P2RY6: variants seen among roughly 807,000 people sequenced by gnomAD.
P2RY6 encodes the protein P2Y purinoceptor 6.
In P2RY6, 19 loss-of-function variants were observed where a neutral mutation model predicts 16.3. That is an observed-to-expected ratio of 1.16 (90% CI 0.81 to 1.71). The LOEUF (loss-of-function observed/expected upper bound fraction) is 1.71, where lower values mean the gene tolerates loss of function less well. P2RY6 is among the 40% of genes most tolerant of loss of function. The pLI is 0.00. For missense variants in P2RY6, 389 were observed against 455.5 expected (o/e 0.85, Z 1.33); for synonymous variants, 184 against 201.5 (o/e 0.91, Z 0.74).
Position 73,290,306 on chromosome 11 carries a change from A to G in P2RY6, c.-120-5424A>G, listed in dbSNP as rs868549063. Reference sequence around the variant, plus strand: ...GGAAAGAAAGAAAGAAAGAAAGAAAAGAAAGAAAGAAAGAAAGAAAGAAAG... The same window carrying G: ...GGAAAGAAAGAAAGAAAGAAAGAAAGGAAAGAAAGAAAGAAAGAAAGAAAG... On this transcript the variant is annotated intron_variant, in intron 1 of 2. Coordinates refer to ENST00000540124, the MANE Select transcript of P2RY6 (RefSeq NM_001277204.2). 8.1e-3 allele frequency among the ~76,000 whole-genome samples: 353 copies of G among 43,726 alleles called. 1 individual carries two copies. The highest frequency in any genetic ancestry group is 0.03 in the Middle Eastern group (3 of 100). The allele number at this position is 43,726 out of a possible 152,430, so 28.7% of individuals were successfully genotyped here. A position where few individuals can be genotyped will look rare whatever the true frequency, so the allele number is the denominator to read the frequency against.
intron 1 of P2RY6, among the ~76,000 whole-genome samples, chr11:73,278,647 G>A (rs746318585): frequency 7.2e-5 from 11 of 152,120 alleles, no homozygotes; most frequent in Non-Finnish European, 1.0e-4. Flanking sequence ...CTGGCTTGTT[G>A]TACTTGGAAT....
chr11:73,292,973 T>TGGGGGGGGGA (rs1864325416), intron 1 of P2RY6: 1 of 41,202 alleles, frequency 2.4e-5, no homozygotes, highest in Non-Finnish European at 4.7e-5. Flanking sequence ...TTGCGGGGGG[T>TGGGGGGGGGA]GGGGGGGGGA....
At chr11:73,290,791 G>C (rs974591884) in intron 1 of P2RY6, among the ~76,000 whole-genome samples, 4 of 152,264 alleles carry the variant, frequency 2.6e-5, no homozygotes, top group Non-Finnish European at 4.4e-5. Context: ...GTTCCCTCCC[G>C]GGCCCTGCCC....
chr11:73,289,412 G>A (rs954092697), intron 1 of P2RY6: 1 of 152,370 alleles, frequency 6.6e-6, no homozygotes, highest in African/African-American at 2.4e-5. Flanking sequence ...CGTCCCCAGT[G>A]GCTCCTGTGA....
intron 1 of P2RY6, among the ~76,000 whole-genome samples, chr11:73,291,671 G>A (rs969103996): frequency 9.2e-5 from 14 of 152,334 alleles, no homozygotes; most frequent in African/African-American, 3.4e-4. Flanking sequence ...TTTGGGGTGA[G>A]ATCGATGCCT....
chr11:73,279,758 G>A (rs1382056713), intron 1 of P2RY6, among the ~76,000 whole-genome samples: 1 of 152,244 alleles, frequency 6.6e-6, no homozygotes, highest in Non-Finnish European at 1.5e-5. Context: ...AATCACTGGT[G>A]AAGGGTCTGG....
At chr11:73,281,541 G>C (rs1863762819) in intron 1 of P2RY6, among the ~76,000 whole-genome samples, 1 of 152,256 alleles carries the variant, frequency 6.6e-6, no homozygotes, top group South Asian at 2.1e-4. Flanking sequence ...CACAGGCTAG[G>C]ATGGAAGGGA....
intron 1 of P2RY6, among the ~76,000 whole-genome samples, chr11:73,290,166 G>A (rs538123677): frequency 1.3e-5 from 2 of 151,950 alleles, no homozygotes; most frequent in East Asian, 3.9e-4. Context: ...AAGTTGCAGT[G>A]AGCCGAGATC....
chr11:73,267,229 A>G (rs1047717538), intron 1 of P2RY6, among the ~76,000 whole-genome samples: 9 of 152,188 alleles, frequency 5.9e-5, no homozygotes, highest in Non-Finnish European at 1.3e-4. Flanking sequence ...AGGTTACTTC[A>G]GCAGAATCAT....
intron 1 of P2RY6, among the ~76,000 whole-genome samples, 152 bp from the exon 2 acceptor site, chr11:73,295,578 G>A (rs1864439141): frequency 6.6e-6 from 1 of 152,160 alleles, no homozygotes; most frequent in Non-Finnish European, 1.5e-5. Flanking sequence ...GGTTGACTCG[G>A]TCCCTCACCC....
chr11:73,273,846 A>AT (rs976517002), intron 1 of P2RY6, among the ~76,000 whole-genome samples: 3 of 151,566 alleles, frequency 2.0e-5, no homozygotes, highest in African/African-American at 4.9e-5. Context: ...TGGGATTTTT[A>AT]TTTTTTTTAA....
chr11:73,297,022 A>G lies in P2RY6; in HGVS notation c.504A>G (p.Thr168=), dbSNP rs144613465. The change falls in exon 3 of 3, where the codon ACA becomes ACG. Residue 168 remains threonine (T), a synonymous_variant. Transcript: ENST00000540124. The part of the protein sequence containing the change: ...QCLPTAIFAA[T]GIQRNRTVCY... ...TGCCCACAGCCATCTTCGCTGCCAC[A>G]GGCATCCAGCGTAACCGCACTGTCT... 6.2e-7 allele frequency: 1 copy of G among 1,600,876 alleles called. No homozygotes were observed. The highest frequency in any genetic ancestry group is 1.1e-5 in the South Asian group (1 of 91,088).
chr11:73,286,445 G>A (rs1010451325), intron 1 of P2RY6, among the ~76,000 whole-genome samples: 2 of 152,092 alleles, frequency 1.3e-5, no homozygotes, highest in Non-Finnish European at 2.9e-5. Context: ...ACCACTTGGC[G>A]GGGTTAGTGG....
chr11:73,272,324 T>C, upstream of P2RY6: 1 of 985,440 alleles, frequency 1.0e-6, no homozygotes, highest in Non-Finnish European at 1.2e-6. Context: ...GGTTTCCTCA[T>C]CTGCTGCCTC....
chr11:73,292,263 T>G (rs1435742723), intron 1 of P2RY6, among the ~76,000 whole-genome samples: 1 of 152,116 alleles, frequency 6.6e-6, no homozygotes, highest in Admixed American at 6.5e-5. Flanking sequence ...AGGTACTCGA[T>G]AAGTGTGTGT....
In P2RY6 at chr11:73,272,355, T is replaced by A. The variant is rs1256397203; in HGVS notation, c.-232T>A. ...GCCTCTCCAGACTTCTGCCAGAACATTGCACGCGACAGTTTCAGGCACAGA... is the reference window on the plus strand; with the variant it reads ...GCCTCTCCAGACTTCTGCCAGAACAATGCACGCGACAGTTTCAGGCACAGA... On this transcript the variant is annotated 5_prime_UTR_variant, in exon 1 of 3. The change creates a new upstream start codon in the 5' untranslated region. Transcript: ENST00000540124. 1.0e-6 allele frequency: 1 copy of A among 985,412 alleles called. No individual in the cohort carries two copies. Among genetic ancestry groups the A allele is most frequent in the Non-Finnish European group, 1.2e-6 (1 of 830,000 alleles). 61.0% of individuals were successfully genotyped at this position (985,412 alleles called of 1,614,324 possible).
intron 1 of P2RY6, among the ~76,000 whole-genome samples, chr11:73,291,446 C>G (rs1342764098): frequency 2.0e-5 from 3 of 152,242 alleles, no homozygotes; most frequent in African/African-American, 7.2e-5. Context: ...GGCCACCTTG[C>G]TCTCCTGGGC....
chr11:73,278,368 C>T (rs2135709292), intron 1 of P2RY6, among the ~76,000 whole-genome samples: 1 of 152,214 alleles, frequency 6.6e-6, no homozygotes, highest in East Asian at 1.9e-4. Context: ...CCATGTTGGT[C>T]AGGCTGGTCT....
At position 73,297,328 on chromosome 11, in the gene P2RY6, C is replaced by T. The variant is rs763902567; in HGVS notation, c.810C>T (p.Gly270=). ...ACCTGGCAGTGCGCTCGACGCCGGG[C>T]GTCCCCTGCACTGTATTGGAGGCCT... ...TAYLAVRSTP[G]VPCTVLEAFA... is the part of the protein sequence containing the mutation. Residue 270 remains glycine (G), a synonymous_variant, in exon 3 of 3, where the codon GGC becomes GGT. Coordinates refer to ENST00000540124, the MANE Select transcript of P2RY6 (RefSeq NM_001277204.2). 1.5e-5 allele frequency: 24 copies of T among 1,610,732 alleles called. No individual in the cohort carries two copies. The highest frequency in any genetic ancestry group is 4.4e-5 in the South Asian group (4 of 91,082).
Sources: allele counts gnomAD v4.1 joint callset (sites outside exome capture counted in the v4.1 genomes callset), GRCh38; gene constraint gnomAD v4.1.1; transcripts MANE v1.5; gene names NCBI Gene and HGNC (gene_info 2026-07-23, HGNC 2026-07-21).